The following ZNF385D variants were observed in gnomAD, a reference collection of about 807,000 sequenced individuals.
ZNF385D encodes the protein zinc finger protein 385D.
A neutral mutation model predicts 35.8 loss-of-function variants in ZNF385D; 15 were observed. The ratio of observed to expected loss-of-function variants is 0.42; its 90% confidence interval spans 0.28 to 0.64. ZNF385D has a LOEUF of 0.64. Among genes scored for constraint, ZNF385D ranks in the 30% least tolerant of loss-of-function variants. The pLI, the probability that ZNF385D is intolerant of heterozygous loss-of-function variation, is 0.23. For synonymous variants in ZNF385D, 212 were observed against 186.8 expected (o/e 1.13, Z -1.10); for missense variants, 474 against 494.6 (o/e 0.96, Z 0.39).
intron 4 of ZNF385D, among the ~76,000 whole-genome samples, chr3:21,440,087 G>A (rs549540215): frequency 5.3e-5 from 8 of 152,124 alleles, no homozygotes; most frequent in Non-Finnish European, 7.4e-5. Flanking sequence ...CAGTGATAAA[G>A]GGGTGTTTTT....
At chr3:21,940,387 A>G (rs146833998) in intron 3 of ZNF385D, among the ~76,000 whole-genome samples, 291 of 152,370 alleles carry the variant, frequency 1.9e-3, no homozygotes, top group African/African-American at 6.7e-3. Context: ...GGGAAAAAGA[A>G]TAACTACTTG....
intron 3 of ZNF385D, among the ~76,000 whole-genome samples, chr3:22,087,575 G>T (rs941597405): frequency 6.6e-6 from 1 of 152,132 alleles, no homozygotes; most frequent in Non-Finnish European, 1.5e-5. Context: ...GTGGAAATTA[G>T]TTATTAGTAA....
intron 2 of ZNF385D, among the ~76,000 whole-genome samples, chr3:22,303,210 T>C (rs532615189): frequency 6.6e-6 from 1 of 152,272 alleles, no homozygotes; most frequent in Admixed American, 6.5e-5. Flanking sequence ...TGCAGCTACA[T>C]GTATTGTGTG....
intron 3 of ZNF385D, among the ~76,000 whole-genome samples, chr3:21,959,444 C>T (rs987340085): frequency 1.3e-5 from 2 of 152,060 alleles, no homozygotes; most frequent in African/African-American, 4.8e-5. Flanking sequence ...AGGAACCAGT[C>T]AAAAATCCAA....
chr3:22,180,007 T>G (rs1695121334), intron 2 of ZNF385D, among the ~76,000 whole-genome samples: 1 of 152,126 alleles, frequency 6.6e-6, no homozygotes, highest in Admixed American at 6.5e-5. Flanking sequence ...AGCTGGTTTT[T>G]TGAAAAGATC....
intron 3 of ZNF385D, among the ~76,000 whole-genome samples, chr3:21,793,445 T>G (rs2072012017): frequency 6.6e-6 from 1 of 152,256 alleles, no homozygotes; most frequent in Non-Finnish European, 1.5e-5. Flanking sequence ...GTATTTGAAA[T>G]GCAGATTCTC....
chr3:22,160,659 A>AG (rs1705887670), intron 3 of ZNF385D, among the ~76,000 whole-genome samples: 1 of 152,136 alleles, frequency 6.6e-6, no homozygotes, highest in Admixed American at 6.6e-5. Flanking sequence ...AGCAAAGATA[A>AG]GGGCAGCAAT....
chr3:22,334,282 G>C (rs2125465726), intron 2 of ZNF385D, among the ~76,000 whole-genome samples: 1 of 151,658 alleles, frequency 6.6e-6, no homozygotes, highest in Admixed American at 6.6e-5. Context: ...ACTTTTATTA[G>C]CTTTACAGTT....
intron 3 of ZNF385D, among the ~76,000 whole-genome samples, chr3:21,973,273 C>G (rs887426605): frequency 3.3e-5 from 5 of 151,856 alleles, no homozygotes; most frequent in Non-Finnish European, 5.9e-5. Context: ...ATACAGAAGT[C>G]AATCAATGTG....
At chr3:21,521,678 C>T (rs1291670251) in intron 3 of ZNF385D, among the ~76,000 whole-genome samples, 1 of 152,020 alleles carries the variant, frequency 6.6e-6, no homozygotes, top group Non-Finnish European at 1.5e-5. Context: ...CACTTAGGTC[C>T]AGGAATTTGA....
rs373646165 is a variant in ZNF385D, at chr3:22,138,999, T to C, written c.325+29818A>G. On this transcript the variant is annotated intron_variant, in intron 3 of 5. Transcript: ENST00000494108. ...AAAAACAAACAACCCCATCAAAAAG[T>C]GGGCAAAGGATATGAACAGACACTT... Among the ~76,000 whole-genome samples the C allele has an allele frequency of 6.6e-5, 10 of 152,174 alleles. No homozygotes were observed. In the East Asian group the frequency reaches 7.7e-4, roughly 12 times the overall value.
intron 3 of ZNF385D, among the ~76,000 whole-genome samples, chr3:21,779,367 A>T (rs897495589): frequency 2.0e-5 from 3 of 151,318 alleles, no homozygotes; most frequent in East Asian, 3.9e-4. Flanking sequence ...GTGGAAAGAT[A>T]ATATATATAT....
At chr3:21,746,488 A>C (rs193251813) in intron 1 of ZNF385D, among the ~76,000 whole-genome samples, 4 of 152,344 alleles carry the variant, frequency 2.6e-5, no homozygotes, top group African/African-American at 9.6e-5. Context: ...GTTCTTATTC[A>C]TGACCCTTTC....
At chr3:22,201,513 GAATA>G (rs1696798859) in intron 2 of ZNF385D, among the ~76,000 whole-genome samples, 1 of 151,926 alleles carries the variant, frequency 6.6e-6, no homozygotes, top group Admixed American at 6.6e-5. Context: ...CATTTTCATA[GAATA>G]GATACAGAAA....
intron 2 of ZNF385D, among the ~76,000 whole-genome samples, chr3:22,208,586 G>A (rs1445796190): frequency 1.3e-5 from 2 of 151,430 alleles, no homozygotes; most frequent in Admixed American, 1.3e-4. Context: ...GTAACAAAAA[G>A]GATAAATGCT....
At chr3:22,066,461 C>CATGTGTGT (rs1553602038) in intron 3 of ZNF385D, among the ~76,000 whole-genome samples, 1 of 98,112 alleles carries the variant, frequency 1.0e-5, no homozygotes, top group African/African-American at 4.2e-5. Context: ...GATGGTTCCC[C>CATGTGTGT]GTGTGTGTGT....
At chr3:21,955,475 G>C (rs923089687) in intron 3 of ZNF385D, among the ~76,000 whole-genome samples, 1 of 152,064 alleles carries the variant, frequency 6.6e-6, no homozygotes, top group African/African-American at 2.4e-5. Context: ...ACAGGGAGGT[G>C]ATTTCTTAAG....
At chr3:21,808,634 C>T (rs2072763798) in intron 3 of ZNF385D, among the ~76,000 whole-genome samples, 1 of 152,222 alleles carries the variant, frequency 6.6e-6, no homozygotes, top group Admixed American at 6.5e-5. Context: ...TATTCCTCTC[C>T]TGCCGGAAGG....
chr3:21,848,856 G>T (rs541026080), intron 3 of ZNF385D, among the ~76,000 whole-genome samples: 1 of 152,082 alleles, frequency 6.6e-6, no homozygotes, highest in South Asian at 2.1e-4. Flanking sequence ...GACTCTAAAC[G>T]TGCTGGCAGA....
Sources: gnomAD v4.1 joint callset for allele counts (sites outside exome capture counted in the v4.1 genomes callset) on GRCh38, gnomAD v4.1.1 for gene constraint, MANE v1.5 for transcripts, NCBI Gene and HGNC (gene_info 2026-07-23, HGNC 2026-07-21) for gene names.